Variants in SVIL observed in about 807,000 individuals in gnomAD.
SVIL encodes the protein archvillin.
In SVIL, 101 loss-of-function variants were observed where a neutral mutation model predicts 240.4. That is an observed-to-expected ratio of 0.42 (90% CI 0.36 to 0.50). SVIL has a LOEUF of 0.50. SVIL is among the 20% of genes least tolerant of loss of function. The pLI, the probability that SVIL is intolerant of heterozygous loss-of-function variation, is 0.01. For synonymous variants in SVIL, 999 were observed against 1,100.0 expected (o/e 0.91, Z 1.82); for missense variants, 2,512 against 2,818.7 (o/e 0.89, Z 2.46).
chr10:29,560,260 G>A (rs1255886298), intron 3 of SVIL, among the ~76,000 whole-genome samples: 2 of 152,176 alleles, frequency 1.3e-5, no homozygotes, highest in Non-Finnish European at 2.9e-5. Context: ...ACAGCTGAAG[G>A]GTGTAGGTTT....
chr10:29,733,130 G>A (rs1964712567), intron 1 of SVIL, among the ~76,000 whole-genome samples: 1 of 152,092 alleles, frequency 6.6e-6, no homozygotes, highest in Non-Finnish European at 1.5e-5. Context: ...AGTCAGTTCA[G>A]GGCAACTAAG....
chr10:29,530,630 CG>C lies in SVIL; in HGVS notation c.2082del (p.Ala695ProfsTer69), dbSNP rs759051877. 6.2e-7 allele frequency: 1 copy of C among 1,614,084 alleles called. No individual in the cohort carries two copies. The highest frequency in any genetic ancestry group is 1.7e-5 in the Admixed American group (1 of 60,024). ...EKVDERAKLS[V>X]AAKRLLFREM... ...ACCCTGAAAAGCAACCTCTTGGCGG[CG>C]ACGCTCAGCTTGGCTCGTTCATCCA... On this transcript the variant is annotated frameshift_variant, in exon 11 of 38. Transcript: ENST00000355867. LOFTEE classifies it high-confidence loss of function.
intron 1 of SVIL, among the ~76,000 whole-genome samples, chr10:29,577,790 T>C (rs905694213): frequency 3.9e-5 from 6 of 152,264 alleles, no homozygotes; most frequent in Middle Eastern, 3.4e-3. Flanking sequence ...ACAAACTATA[T>C]AATAAAGAAA....
chr10:29,561,865 A>G (rs1344215973), intron 3 of SVIL, among the ~76,000 whole-genome samples: 1 of 152,192 alleles, frequency 6.6e-6, no homozygotes, highest in Non-Finnish European at 1.5e-5. Flanking sequence ...CATAGAATAA[A>G]CCTGTATTCC....
At chr10:29,605,038 A>ATGGAGTT in intron 1 of SVIL, among the ~76,000 whole-genome samples, 1 of 152,288 alleles carries the variant, frequency 6.6e-6, no homozygotes, top group Admixed American at 6.5e-5. Flanking sequence ...GTTTGTCCTT[A>ATGGAGTT]TGGAGTTTCT....
chr10:29,602,534 G>T (rs1223697688), intron 1 of SVIL, among the ~76,000 whole-genome samples: 1 of 152,194 alleles, frequency 6.6e-6, no homozygotes, highest in East Asian at 1.9e-4. Flanking sequence ...TTTTATTCAT[G>T]ATTATAAATT....
intron 5 of SVIL, among the ~76,000 whole-genome samples, chr10:29,553,442 A>G (rs944589504): frequency 6.6e-6 from 1 of 152,092 alleles, no homozygotes; most frequent in African/African-American, 2.4e-5. Flanking sequence ...TTAGCCCGGT[A>G]TGGTGGCGGG....
rs370245831 is a variant in SVIL, at chr10:29,555,091, T to C, written c.-33A>G. ...AATTCTTTCTTCTTTGGTTCAAAGA[T>C]TTGTCTTAATTCTGCAACTGGAAGA... On this transcript the variant is annotated 5_prime_UTR_variant, in exon 4 of 38. Transcript: ENST00000355867. 25 of 1,611,064 alleles carry C rather than the reference T, an allele frequency of 1.6e-5. No homozygotes were observed. Among genetic ancestry groups the C allele is most frequent in the Non-Finnish European group, 2.0e-5 (24 of 1,179,254 alleles).
chr10:29,515,176 T>A (rs1215196368), intron 16 of SVIL, among the ~76,000 whole-genome samples: 1 of 152,214 alleles, frequency 6.6e-6, no homozygotes. Flanking sequence ...CTTGTCAATC[T>A]CATGCAGATC....
At chr10:29,485,097 C>T (rs907189543) in intron 26 of SVIL, among the ~76,000 whole-genome samples, 2 of 152,054 alleles carry the variant, frequency 1.3e-5, no homozygotes, top group African/African-American at 4.8e-5. Context: ...AACCTGCTTA[C>T]AACTTGCGAT....
At chr10:29,663,895 A>G (rs1342948994) in intron 2 of SVIL, among the ~76,000 whole-genome samples, 2 of 152,210 alleles carry the variant, frequency 1.3e-5, no homozygotes, top group African/African-American at 4.8e-5. Flanking sequence ...CACAGTCAAA[A>G]TAGCAACTGA....
At chr10:29,601,193 G>GA (rs1312765162) in intron 1 of SVIL, among the ~76,000 whole-genome samples, 4 of 151,760 alleles carry the variant, frequency 2.6e-5, no homozygotes. Flanking sequence ...CAAAAGCATT[G>GA]AAAAAAAATT....
chr10:29,711,479 G>A (rs1243597694), intron 1 of SVIL, among the ~76,000 whole-genome samples: 1 of 151,928 alleles, frequency 6.6e-6, no homozygotes, highest in Non-Finnish European at 1.5e-5. Context: ...CGCCATGACT[G>A]GACAGGTGAC....
rs372215274 is a variant in SVIL at position 29,551,117 on chromosome 10, C to T, written c.307G>A (p.Glu103Lys). 24 of 1,614,032 alleles carry T rather than the reference C, an allele frequency of 1.5e-5. No homozygotes were observed. The highest frequency in any genetic ancestry group is 2.2e-5 in the East Asian group (1 of 44,880). ...MDTHSLESKA[E>K]RIARYKAERR... is the part of the protein sequence containing the mutation. ...TCTGCTTTGTACCTTGCAATTCTTT[C>T]GGCTTTGGACTCCAGACTGTGGGTG... Residue 103 changes from glutamate to lysine, a missense_variant, in exon 6 of 38, where the codon GAA (glutamate) becomes AAA (lysine). Glu to Lys is a moderately conservative substitution (Grantham distance 56). Around this residue, in one of 3 missense-constraint regions of SVIL, gnomAD observed 1,443 missense variants for 1,486.6 expected, o/e 0.97. Coordinates refer to ENST00000355867, the MANE Select transcript of SVIL (RefSeq NM_021738.3).
At chr10:29,684,351 C>G (rs1300981641) in intron 2 of SVIL, among the ~76,000 whole-genome samples, 2 of 152,110 alleles carry the variant, frequency 1.3e-5, no homozygotes, top group African/African-American at 4.8e-5. Context: ...GGTTGGGTTA[C>G]AGCTTGGTTT....
At chr10:29,524,278 G>T (rs1950748313) in intron 14 of SVIL, among the ~76,000 whole-genome samples, 194 bp downstream of exon 14, 1 of 152,002 alleles carries the variant, frequency 6.6e-6, no homozygotes, top group Non-Finnish European at 1.5e-5. Flanking sequence ...AGCAAGCAAG[G>T]TATGAAAACA....
intron 28 of SVIL, 119 bp downstream of exon 28, chr10:29,481,465 A>G: frequency 7.7e-7 from 1 of 1,298,904 alleles, no homozygotes; most frequent in Non-Finnish European, 1.1e-6. Context: ...ACCACAAAGA[A>G]ATGATACATC....
rs1475084112 is a variant in SVIL at position 29,488,719 on chromosome 10, CG to C, written c.4229del (p.Ala1410GlyfsTer3). 1 of 1,612,676 alleles carries C rather than the reference CG, an allele frequency of 6.2e-7. No individual in the cohort carries two copies. Among genetic ancestry groups the C allele is most frequent in the Non-Finnish European group, 8.5e-7 (1 of 1,179,582 alleles). ...TGAAGTTTTCTTTACTGGCTAAACC[CG>C]CCAGGGTGACTTCTGAGAAGTTGGA... is the stretch of plus-strand genomic sequence containing the variant. ...SNSNFSEVTL[A>X]GLASKENFSN... On this transcript the variant is annotated frameshift_variant, in exon 23 of 38. Coordinates refer to ENST00000355867, the MANE Select transcript of SVIL (RefSeq NM_021738.3). LOFTEE classifies it high-confidence loss of function.
At chr10:29,583,453 C>G (rs1205879200) in intron 1 of SVIL, among the ~76,000 whole-genome samples, 1 of 152,130 alleles carries the variant, frequency 6.6e-6, no homozygotes, top group Non-Finnish European at 1.5e-5. Flanking sequence ...GGGCCCACCA[C>G]CACGCCTAGC....
Sources: allele counts gnomAD v4.1 joint callset (sites outside exome capture counted in the v4.1 genomes callset), GRCh38; gene constraint gnomAD v4.1.1; regional missense constraint gnomAD v4.1.1; transcripts MANE v1.5; gene names NCBI Gene and HGNC (gene_info 2026-07-23, HGNC 2026-07-21).